CEP63: variants seen among roughly 807,000 people sequenced by gnomAD.
CEP63 encodes centrosomal protein of 63 kDa.
CEP63 carries 84 observed loss-of-function variants against 89.1 expected under a neutral mutation model. That is an observed-to-expected ratio of 0.94 (90% confidence interval 0.79 to 1.13). The LOEUF is 1.13. Ranked by LOEUF, CEP63 falls within the 50% of genes most tolerant of loss-of-function variation. The pLI, the probability that CEP63 is intolerant of heterozygous loss-of-function variation, is 0.00. For synonymous variants in CEP63, 267 were observed against 272.5 expected, an observed-to-expected ratio of 0.98 and a Z score of 0.20; for missense variants, 838 against 813.3, an observed-to-expected ratio of 1.03 and a Z score of -0.37.
chr3:134,716,110 T>A, the CEP63 span, among the ~76,000 whole-genome samples: 2 of 152,202 alleles, frequency 1.3e-5, no homozygotes, highest in Admixed American at 1.3e-4. Flanking sequence ...TTTAAATCAG[T>A]TTCAGTCTGG....
the CEP63 span, among the ~76,000 whole-genome samples, chr3:134,701,957 G>A: frequency 1.3e-5 from 2 of 152,082 alleles, no homozygotes; most frequent in African/African-American, 4.8e-5. Flanking sequence ...CTGGGCTAGG[G>A]CTTTGATCTA....
At chr3:134,637,839 G>A in the CEP63 span, among the ~76,000 whole-genome samples, 2 of 152,326 alleles carry the variant, frequency 1.3e-5, no homozygotes, top group Middle Eastern at 3.4e-3. Flanking sequence ...TGATCAAGGT[G>A]AAAAACAAAC....
Position 134,546,292 on chromosome 3 carries a change from A to AAT in CEP63, c.929+5_929+6dup. On this transcript the variant is annotated splice_donor_region_variant and intron_variant, in intron 8 of 14. Transcript: ENST00000675561. ...AACATGCTGTAGAAGCTATAAGGTA[A>AAT]ATTTAATCTTAAATATTATTCATCT... 1 of 1,612,008 alleles carries AAT rather than the reference A, an allele frequency of 6.2e-7. No homozygotes were observed. The highest frequency in any genetic ancestry group is 8.5e-7 in the Non-Finnish European group (1 of 1,178,342).
At chr3:134,704,854 G>A in the CEP63 span, among the ~76,000 whole-genome samples, 3 of 152,188 alleles carry the variant, frequency 2.0e-5, no homozygotes, top group African/African-American at 7.2e-5. Flanking sequence ...GAAGAGGTGG[G>A]GCGTGGCAGG....
the CEP63 span, among the ~76,000 whole-genome samples, chr3:134,694,186 TCCATG>T: frequency 4.5e-4 from 69 of 152,292 alleles, no homozygotes; most frequent in African/African-American, 1.6e-3. Flanking sequence ...TAAGGTGGAC[TCCATG>T]CTAATGACAA....
At chr3:134,555,806 G>C (rs1443917105) in intron 12 of CEP63, among the ~76,000 whole-genome samples, 1 of 151,942 alleles carries the variant, frequency 6.6e-6, no homozygotes, top group African/African-American at 2.4e-5. Context: ...AAAAGAGCCC[G>C]CATCGCCAAG....
chr3:134,505,128 A>G (rs1001452199), intron 2 of CEP63, among the ~76,000 whole-genome samples: 1 of 151,948 alleles, frequency 6.6e-6, no homozygotes, highest in Admixed American at 6.5e-5. Context: ...TTTCTTTGGG[A>G]TCTGTTACCA....
At chr3:134,670,861 G>A in the CEP63 span, among the ~76,000 whole-genome samples, 1 of 152,190 alleles carries the variant, frequency 6.6e-6, no homozygotes, top group Non-Finnish European at 1.5e-5. Context: ...GATCTACATG[G>A]AAACGTGTGG....
At chr3:134,678,896 G>T in the CEP63 span, among the ~76,000 whole-genome samples, 1 of 152,278 alleles carries the variant, frequency 6.6e-6, no homozygotes, top group East Asian at 1.9e-4. Flanking sequence ...GAGCTTGCTG[G>T]CACAGTGCAA....
the CEP63 span, among the ~76,000 whole-genome samples, chr3:134,745,027 T>C: frequency 6.6e-6 from 1 of 152,186 alleles, no homozygotes; most frequent in Non-Finnish European, 1.5e-5. Context: ...ACAATCAAGG[T>C]AGTGAACATA....
At chr3:134,721,735 C>T in the CEP63 span, among the ~76,000 whole-genome samples, 1 of 152,024 alleles carries the variant, frequency 6.6e-6, no homozygotes, top group South Asian at 2.1e-4. Context: ...TAATCTGATG[C>T]TTTCTGTCCT....
chr3:134,624,926 G>T, the CEP63 span: 1 of 790,774 alleles, frequency 1.3e-6, no homozygotes, highest in Non-Finnish European at 2.1e-6. Context: ...CTATGAAAAG[G>T]CATTCCAGGG....
At chr3:134,748,840 C>G in the CEP63 span, among the ~76,000 whole-genome samples, 1 of 152,124 alleles carries the variant, frequency 6.6e-6, no homozygotes, top group African/African-American at 2.4e-5. Context: ...AAGTAGGACA[C>G]GGATGCAGGC....
rs527819445 is a variant in CEP63 at position 134,583,145 on chromosome 3, T to C, written c.1207-4313T>C. On this transcript the variant is annotated intron_variant, in intron 10 of 10. Coordinates refer to the CEP63 transcript ENST00000683931. ...TCTATAGGTTGCCTGTTGACTCTGATGGTAGTTTCTTTTGCTGTGCAGAAG... is the reference window on the plus strand; with the variant it reads ...TCTATAGGTTGCCTGTTGACTCTGACGGTAGTTTCTTTTGCTGTGCAGAAG... Among the ~76,000 whole-genome samples the C allele has an allele frequency of 2.7e-4, 41 of 152,342 alleles. 1 individual carries two copies. Among genetic ancestry groups the C allele is most frequent in the African/African-American group, 9.1e-4 (38 of 41,578 alleles).
intron 6 of CEP63, among the ~76,000 whole-genome samples, chr3:134,537,810 T>A (rs1455118628): frequency 6.6e-6 from 1 of 152,198 alleles, no homozygotes; most frequent in African/African-American, 2.4e-5. Context: ...TCAGTTAGTC[T>A]GCCTATGCGG....
chr3:134,692,368 T>A, the CEP63 span, among the ~76,000 whole-genome samples: 1 of 152,036 alleles, frequency 6.6e-6, no homozygotes, highest in Non-Finnish European at 1.5e-5. Context: ...TGTTTGTTTT[T>A]TTTTTGTCCT....
chr3:134,522,034 T>C (rs1947572495), intron 3 of CEP63, among the ~76,000 whole-genome samples: 1 of 152,172 alleles, frequency 6.6e-6, no homozygotes, highest in African/African-American at 2.4e-5. Flanking sequence ...TTTTAGTCTC[T>C]TTTCTTTGTA....
chr3:134,760,058 C>CTT, the CEP63 span, among the ~76,000 whole-genome samples: 181 of 131,160 alleles, frequency 1.4e-3, 1 homozygote, highest in South Asian at 3.7e-3. Context: ...AGAGCACTTT[C>CTT]TTTTTTTTTT....
chr3:134,533,717 A>C (rs1950258335), intron 5 of CEP63, among the ~76,000 whole-genome samples: 1 of 152,206 alleles, frequency 6.6e-6, no homozygotes, highest in African/African-American at 2.4e-5. Context: ...CATAGGACCT[A>C]GGGATCTGCA....
Sources: allele counts gnomAD v4.1 joint callset (sites outside exome capture counted in the v4.1 genomes callset), GRCh38; gene constraint gnomAD v4.1.1; transcripts MANE v1.5; gene names NCBI Gene and HGNC (gene_info 2026-07-23, HGNC 2026-07-21).